HNRNPM: variants seen among roughly 807,000 people sequenced by gnomAD.
HNRNPM encodes the protein CEA receptor.
HNRNPM carries 11 observed loss-of-function variants against 73.1 expected under a neutral mutation model. The observed-to-expected ratio is 0.15, with a 90% CI of 0.09 to 0.25. The LOEUF is 0.25. HNRNPM is among the 10% of genes least tolerant of loss of function. HNRNPM has a pLI of 1.00. For synonymous variants in HNRNPM, 407 were observed against 355.2 expected (o/e 1.15, Z -1.64); for missense variants, 789 against 1,067.9 (o/e 0.74, Z 3.64).
intron 1 of HNRNPM, among the ~76,000 whole-genome samples, chr19:8,448,989 G>A (rs532754963): frequency 2.4e-4 from 37 of 152,242 alleles, no homozygotes; most frequent in African/African-American, 8.2e-4. Flanking sequence ...TGACTCCCAG[G>A]CAGCTTGCTG....
chr19:8,461,615 T>C (rs1969403283), intron 2 of HNRNPM, among the ~76,000 whole-genome samples: 1 of 152,252 alleles, frequency 6.6e-6, no homozygotes, highest in Admixed American at 6.5e-5. Flanking sequence ...GAGGAAAATC[T>C]GCAGAAACTT....
In HNRNPM at chr19:8,463,422, A is replaced by G. The variant is rs936327590; in HGVS notation, c.337-75A>G. Reference sequence around the variant, plus strand: ...TATTTTTAGTTTGTTTATAACTGTCATTGATATTTACTATTTTTTTCTTTT... The same window carrying G: ...TATTTTTAGTTTGTTTATAACTGTCGTTGATATTTACTATTTTTTTCTTTT... On this transcript the variant is annotated intron_variant, in intron 3 of 15. Transcript: ENST00000325495. 3.5e-6 allele frequency: 5 copies of G among 1,426,752 alleles called. No homozygotes were observed. In the Admixed American group the frequency reaches 6.8e-5, roughly 19 times the overall value. The allele number at this position is 1,426,752 out of a possible 1,614,324, so 88.4% of individuals were successfully genotyped here.
rs144260336 is a variant in HNRNPM at position 8,485,691 on chromosome 19, G to A, written c.1263G>A (p.Ala421=). The A allele has an allele frequency of 1.7e-5, 28 of 1,605,362 alleles. No individual in the cohort carries two copies. The East Asian group carries it at 3.8e-4, about 22-fold the overall frequency. ...LGGAGMERMG[A]GLGHGMDRVG... The stretch of plus-strand genomic sequence containing the variant: ...GTGCCGGCATGGAGCGCATGGGCGC[G>A]GGCCTGGGCCACGGCATGGATCGCG... The change falls in exon 14 of 16, where the codon GCG becomes GCA. Residue 421 remains alanine, a synonymous_variant. Coordinates refer to ENST00000325495, the MANE Select transcript of HNRNPM (RefSeq NM_005968.5).
chr19:8,461,274 A>G (rs895134953), intron 2 of HNRNPM, among the ~76,000 whole-genome samples: 2 of 152,206 alleles, frequency 1.3e-5, no homozygotes, highest in Non-Finnish European at 2.9e-5. Context: ...TTTTTGTAAA[A>G]TAATTTTACC....
In HNRNPM at chr19:8,486,915, G is replaced by C; in HGVS notation, c.1978-109G>C. ...ATCGCCTCAGTCTGAAGGGCAGCCA[G>C]CTTCTCGGTATAGTGAGAAATCTAG... On this transcript the variant is annotated intron_variant, in intron 14 of 15. Coordinates refer to ENST00000325495, the MANE Select transcript of HNRNPM (RefSeq NM_005968.5). The C allele has an allele frequency of 4.6e-6, 4 of 862,390 alleles. 1 individual carries two copies. In the South Asian group the frequency reaches 5.3e-5, roughly 11 times the overall value. The allele number at this position is 862,390 out of a possible 1,614,324, so 53.4% of individuals were successfully genotyped here. A position where few individuals can be genotyped will look rare whatever the true frequency, so the allele number is the denominator to read the frequency against.
At chr19:8,471,726 C>G (rs758043924) in intron 10 of HNRNPM, among the ~76,000 whole-genome samples, 5 of 152,156 alleles carry the variant, frequency 3.3e-5, no homozygotes, top group Non-Finnish European at 5.9e-5. Flanking sequence ...TGCTCAAGGT[C>G]ACACTGTCAG....
Position 8,463,626 on chromosome 19 carries a change from A to G in HNRNPM, c.378A>G (p.Lys126=), listed in dbSNP as rs1407939089. The G allele has an allele frequency of 3.7e-6, 6 of 1,614,020 alleles. No homozygotes were observed. Among genetic ancestry groups the G allele is most frequent in the South Asian group, 3.3e-5 (3 of 91,090 alleles). ...VVEFKMEESM[K]KAAEVLNKHS... ...AATTCAAGATGGAAGAGAGCATGAA[A>G]AAAGCTGCGGAAGTCCTAAACAAGC... The change falls in exon 5 of 16, where the codon AAA becomes AAG. Residue 126 remains lysine (K), a synonymous_variant. Coordinates refer to ENST00000325495, the MANE Select transcript of HNRNPM (RefSeq NM_005968.5).
At chr19:8,472,664 T>C (rs1313451900) in intron 10 of HNRNPM, among the ~76,000 whole-genome samples, 1 of 152,156 alleles carries the variant, frequency 6.6e-6, no homozygotes, top group Admixed American at 6.6e-5. Flanking sequence ...CCGCACTCAA[T>C]CTCTGCCTCC....
At chr19:8,459,425 A>T (rs961438702) in intron 2 of HNRNPM, among the ~76,000 whole-genome samples, 1 of 151,958 alleles carries the variant, frequency 6.6e-6, no homozygotes, top group Non-Finnish European at 1.5e-5. Flanking sequence ...TAGAATAATT[A>T]TTTTGCCATG....
At chr19:8,482,597 G>C (rs1291723895) in intron 12 of HNRNPM, 1 of 152,464 alleles carries the variant, frequency 6.6e-6, no homozygotes, top group Non-Finnish European at 1.5e-5. Flanking sequence ...AAGGATTTCC[G>C]CGCAGAGCTC....
rs1000234098 is a variant in HNRNPM at position 8,445,192 on chromosome 19, G to C, written c.113+81G>C. On this transcript the variant is annotated intron_variant, in intron 1 of 15. Coordinates refer to ENST00000325495, the MANE Select transcript of HNRNPM (RefSeq NM_005968.5). ...GGGCGGCGGCTCCGTTAGGTCTGTT[G>C]GCGGCCTAGCCCCGGCGCGGCCTCG... is the stretch of plus-strand genomic sequence containing the variant. 3.8e-5 allele frequency: 47 copies of C among 1,226,674 alleles called. No homozygotes were observed. In the East Asian group the frequency reaches 8.9e-4, roughly 23 times the overall value. The allele number at this position is 1,226,674 out of a possible 1,614,324, so 76.0% of individuals were successfully genotyped here.
rs562620642 is a variant in HNRNPM, at chr19:8,466,549, C to G, written c.784+161C>G. Among the ~76,000 whole-genome samples the G allele has an allele frequency of 1.8e-4, 28 of 151,892 alleles. 1 individual carries two copies. The highest frequency in any genetic ancestry group is 8.8e-5 in the Non-Finnish European group (6 of 67,962). On this transcript the variant is annotated intron_variant, in intron 7 of 15. Transcript: ENST00000325495. ...AATTAAGAGGTTCTCTGGGCCGGACCGGTCACGGTGGCTCACGCCTGTAAT... is the reference window on the plus strand; with the variant it reads ...AATTAAGAGGTTCTCTGGGCCGGACGGGTCACGGTGGCTCACGCCTGTAAT...
rs1599778337 is a variant in HNRNPM at position 8,462,674 on chromosome 19, G to T, written c.336+93G>T. 5 of 1,045,072 alleles carry T rather than the reference G, an allele frequency of 4.8e-6. No homozygotes were observed. The East Asian group carries it at 9.5e-5, about 20-fold the overall frequency. The allele number at this position is 1,045,072 out of a possible 1,614,324, so 64.7% of individuals were successfully genotyped here. On this transcript the variant is annotated intron_variant, in intron 3 of 15. Transcript: ENST00000325495. This position sits in a 1 kb window ranked among gnomAD's most constrained non-coding sequence, Gnocchi z 4.5. ...AATCGAATGAAATCAGGAAGGCAGT[G>T]AGTGCTCATGTTACAGTAGCTATGT...
At chr19:8,461,975 A>C (rs1222643158) in intron 2 of HNRNPM, 11 of 152,934 alleles carry the variant, frequency 7.2e-5, no homozygotes, top group Admixed American at 7.1e-4. Context: ...AACAGCATTA[A>C]ACCAAGCTCA....
chr19:8,448,762 C>T (rs1254404505), intron 1 of HNRNPM, among the ~76,000 whole-genome samples: 1 of 148,948 alleles, frequency 6.7e-6, no homozygotes, highest in East Asian at 2.1e-4. Context: ...GGATTATAGG[C>T]GTGAGCTACC....
chr19:8,479,755 T>TAA (rs1178134145), intron 12 of HNRNPM, among the ~76,000 whole-genome samples: 4 of 83,226 alleles, frequency 4.8e-5, no homozygotes, highest in African/African-American at 1.4e-4. Context: ...GCGGTGTATT[T>TAA]AAAAAAAAAA....
chr19:8,465,596 C>G, intron 6 of HNRNPM, 81 bp downstream of exon 6: 1 of 937,894 alleles, frequency 1.1e-6, no homozygotes, highest in Non-Finnish European at 1.6e-6. Flanking sequence ...AAAAGTAATT[C>G]TCACATTTGA....
At chr19:8,468,038 A>G (rs1054198728) in intron 8 of HNRNPM, among the ~76,000 whole-genome samples, 5 of 151,992 alleles carry the variant, frequency 3.3e-5, no homozygotes, top group East Asian at 1.9e-4. Flanking sequence ...AGAAAAAAAA[A>G]GAAGAAAAAA....
intron 2 of HNRNPM, among the ~76,000 whole-genome samples, chr19:8,459,603 A>C (rs572898060): frequency 6.6e-6 from 1 of 152,330 alleles, no homozygotes; most frequent in African/African-American, 2.4e-5. Context: ...TAGGTCTTAT[A>C]ACATGTGAAT....
Sources: gnomAD v4.1 joint callset for allele counts (sites outside exome capture counted in the v4.1 genomes callset) on GRCh38, gnomAD v4.1.1 for gene constraint, Gnocchi (gnomAD v3.1) non-coding constraint, MANE v1.5 for transcripts, NCBI Gene and HGNC (gene_info 2026-07-23, HGNC 2026-07-21) for gene names.